Variants in BARX2 observed in about 807,000 individuals in gnomAD.
BARX2 encodes the protein BARX homeobox 2, also known as homeobox protein BarH-like 2.
A neutral mutation model predicts 25.5 loss-of-function variants in BARX2; 11 were observed. The ratio of observed to expected loss-of-function variants is 0.43; its 90% CI spans 0.27 to 0.71. The LOEUF (loss-of-function observed/expected upper bound fraction) is 0.71, where lower values mean the gene tolerates loss of function less well. Among genes scored for constraint, BARX2 ranks in the 30% least tolerant of loss-of-function variants. BARX2 has a pLI of 0.19. For synonymous variants in BARX2, 137 were observed against 149.5 expected (o/e 0.92, Z 0.61); for missense variants, 360 against 359.9 (o/e 1.00, Z 0.00).
At chr11:129,419,138 C>G (rs911030693) in intron 1 of BARX2, among the ~76,000 whole-genome samples, 5 of 152,004 alleles carry the variant, frequency 3.3e-5, no homozygotes, top group Admixed American at 6.5e-5. Flanking sequence ...CCAGGGCCGG[C>G]CCCCGCCTGG....
chr11:129,378,563 C>CTTTTTTTTTTTTTTTTTTTTTTTTTTTTT (rs56804728), intron 1 of BARX2, among the ~76,000 whole-genome samples: 3 of 111,208 alleles, frequency 2.7e-5, no homozygotes, highest in Non-Finnish European at 3.5e-5. Flanking sequence ...TTTTCTTTTT[C>CTTTTTTTTTTTTTTTTTTTTTTTTTTTTT]TTTTTTTTTT....
chr11:129,387,168 C>G (rs1236594228), intron 1 of BARX2, among the ~76,000 whole-genome samples: 1 of 152,240 alleles, frequency 6.6e-6, no homozygotes, highest in Non-Finnish European at 1.5e-5. Flanking sequence ...TTGTGCCTTA[C>G]TCTTTCGACC....
intron 1 of BARX2, among the ~76,000 whole-genome samples, chr11:129,416,357 G>A (rs540116864): frequency 6.6e-5 from 10 of 152,298 alleles, no homozygotes; most frequent in Non-Finnish European, 1.3e-4. Context: ...AAATGTTAGT[G>A]TGTTGAGAAG....
chr11:129,413,800 A>C (rs981127886), intron 1 of BARX2, among the ~76,000 whole-genome samples: 8 of 152,060 alleles, frequency 5.3e-5, no homozygotes, highest in African/African-American at 1.9e-4. Flanking sequence ...GCAGTGGCTC[A>C]CGCCTGTAAT....
intron 1 of BARX2, among the ~76,000 whole-genome samples, chr11:129,426,059 T>C (rs1402323370): frequency 6.6e-6 from 1 of 151,932 alleles, no homozygotes; most frequent in African/African-American, 2.4e-5. Flanking sequence ...TTTGTCAGCC[T>C]TTGAGTTGGC....
At chr11:129,415,028 GTTAAT>G (rs1266352488) in intron 1 of BARX2, among the ~76,000 whole-genome samples, 1 of 152,116 alleles carries the variant, frequency 6.6e-6, no homozygotes, top group South Asian at 2.1e-4. Context: ...ATTTAGTACT[GTTAAT>G]TTATTTCACT....
chr11:129,383,050 T>C (rs1452684205), intron 1 of BARX2, among the ~76,000 whole-genome samples: 3 of 152,200 alleles, frequency 2.0e-5, no homozygotes, highest in African/African-American at 7.2e-5. Flanking sequence ...TTAGGATTTA[T>C]TAGTAACGGG....
intron 1 of BARX2, among the ~76,000 whole-genome samples, chr11:129,418,522 C>G (rs1312937495): frequency 2.6e-5 from 4 of 152,164 alleles, no homozygotes; most frequent in Non-Finnish European, 5.9e-5. Context: ...CTTCCTTTAT[C>G]TTGTAGAAGT....
In BARX2 at chr11:129,376,076, A is replaced by G. The variant is rs1208118864; in HGVS notation, c.41A>G (p.Gln14Arg). Residue 14 changes from glutamine (Q) to arginine (R), a missense_variant, in exon 1 of 4, where the codon CAG becomes CGG. Transcript: ENST00000281437. The surrounding 1 kb of genome is among the most constrained non-coding windows in gnomAD (Gnocchi z 4.2). ...GAGCTGAGGCTGAGCTCGCCCGGCC[A>G]GCTCAAAGCAGCCAGGCGGCGCTAC... Reference protein sequence around the residue: ...HAELRLSSPGQLKAARRRYKT... With the variant: ...HAELRLSSPGRLKAARRRYKT... 1.9e-6 allele frequency: 3 copies of G among 1,607,966 alleles called. No individual in the cohort carries two copies. The highest frequency in any genetic ancestry group is 2.7e-5 in the African/African-American group (2 of 74,260).
chr11:129,435,052 G>C (rs765128714), intron 1 of BARX2, among the ~76,000 whole-genome samples: 13 of 152,202 alleles, frequency 8.5e-5, no homozygotes, highest in Non-Finnish European at 1.5e-4. Context: ...AGACTTAAAG[G>C]AGTAAGGTGA....
chr11:129,448,997 CAGAA>C (rs1211520334), intron 3 of BARX2, among the ~76,000 whole-genome samples: 1 of 152,126 alleles, frequency 6.6e-6, no homozygotes, highest in Non-Finnish European at 1.5e-5. Context: ...TCTGTAGAGA[CAGAA>C]AGCAGACTAG....
chr11:129,451,251 G>T lies in BARX2; in HGVS notation c.689G>T (p.Gly230Val). ...GAGAAGATGAACAGCCAGGCCCAGG[G>T]TCAGGAGCAGCTGGAGCCCTCTCAG... Reference protein sequence around the residue: ...AEEKMNSQAQGQEQLEPSQGQ... With the variant: ...AEEKMNSQAQVQEQLEPSQGQ... Residue 230 changes from glycine to valine, a missense_variant, in exon 4 of 4, where the codon GGT becomes GTT. Physicochemically the swap from Gly to Val is moderately radical, Grantham distance 109. Coordinates refer to ENST00000281437, the MANE Select transcript of BARX2 (RefSeq NM_003658.5). The T allele has an allele frequency of 3.1e-6, 5 of 1,614,192 alleles. No homozygotes were observed. The highest frequency in any genetic ancestry group is 4.2e-6 in the Non-Finnish European group (5 of 1,180,032).
At chr11:129,375,688 G>C (rs1455648863), upstream of BARX2, among the ~76,000 whole-genome samples, 2 of 152,006 alleles carry the variant, frequency 1.3e-5, no homozygotes, top group Non-Finnish European at 2.9e-5. This position sits in a 1 kb window ranked among gnomAD's most constrained non-coding sequence, Gnocchi z 4.0. Context: ...GAGAGCCGCC[G>C]GGCACTAGGC....
At position 129,376,103 on chromosome 11, in the gene BARX2, A is replaced by C; in HGVS notation, c.68A>C (p.Lys23Thr). 6.2e-7 allele frequency: 1 copy of C among 1,612,928 alleles called. No homozygotes were observed. Among genetic ancestry groups the C allele is most frequent in the Admixed American group, 1.7e-5 (1 of 59,924 alleles). Residue 23 changes from lysine to threonine, a missense_variant, in exon 1 of 4, where the codon AAG (lysine) becomes ACG (threonine). This residue lies in a region of BARX2 where 240 missense variants were observed against 228.7 expected (regional missense o/e 1.05). Coordinates refer to ENST00000281437, the MANE Select transcript of BARX2 (RefSeq NM_003658.5). The surrounding 1 kb of genome is among the most constrained non-coding windows in gnomAD (Gnocchi z 4.2). ...CTCAAAGCAGCCAGGCGGCGCTACA[A>C]GACTTTCATGATCGACGAGATCCTC... ...GQLKAARRRY[K>T]TFMIDEILSK... is the part of the protein sequence containing the mutation.
chr11:129,435,317 G>C (rs1862176293), intron 1 of BARX2, among the ~76,000 whole-genome samples: 1 of 152,200 alleles, frequency 6.6e-6, no homozygotes, highest in African/African-American at 2.4e-5. Context: ...TAACCACTTT[G>C]TGGTTTCTGC....
intron 1 of BARX2, among the ~76,000 whole-genome samples, chr11:129,417,789 G>A (rs1861961247): frequency 1.3e-5 from 2 of 152,144 alleles, no homozygotes; most frequent in Non-Finnish European, 2.9e-5. Flanking sequence ...CATTTGTATG[G>A]CCTTTGCAGT....
At chr11:129,397,590 A>G (rs1027929124) in intron 1 of BARX2, among the ~76,000 whole-genome samples, 1 of 152,206 alleles carries the variant, frequency 6.6e-6, no homozygotes, top group Non-Finnish European at 1.5e-5. Flanking sequence ...GAGTTCGTTA[A>G]AAAAATATTG....
intron 1 of BARX2, among the ~76,000 whole-genome samples, chr11:129,427,183 C>T (rs1862073472): frequency 6.6e-6 from 1 of 152,164 alleles, no homozygotes; most frequent in Non-Finnish European, 1.5e-5. Context: ...ACTTCACATA[C>T]ATTAATGCCG....
chr11:129,391,724 C>A (rs1306747865), intron 1 of BARX2, among the ~76,000 whole-genome samples: 1 of 152,118 alleles, frequency 6.6e-6, no homozygotes, highest in Non-Finnish European at 1.5e-5. Context: ...AGAAGTAACA[C>A]AGGATTTTCT....
Sources: gnomAD v4.1 joint callset for allele counts (sites outside exome capture counted in the v4.1 genomes callset) on GRCh38, gnomAD v4.1.1 for gene constraint, gnomAD v4.1.1 regional missense constraint, Gnocchi (gnomAD v3.1) non-coding constraint, MANE v1.5 for transcripts, NCBI Gene and HGNC (gene_info 2026-07-23, HGNC 2026-07-21) for gene names.